The following STRADA variants were observed in gnomAD, a reference collection of about 807,000 sequenced individuals.
STRADA encodes the protein STE20-related kinase adapter protein alpha.
A neutral mutation model predicts 55.0 loss-of-function variants in STRADA; 26 were observed. That is an observed-to-expected ratio of 0.47 (90% CI 0.35 to 0.66). STRADA has a LOEUF of 0.66. Among genes scored for constraint, STRADA ranks in the 30% least tolerant of loss-of-function variants. The pLI is 0.01. For missense variants in STRADA, 443 were observed against 549.7 expected (o/e 0.81, Z 1.94); for synonymous variants, 197 against 210.9 (o/e 0.93, Z 0.57).
intron 1 of STRADA, among the ~76,000 whole-genome samples, chr17:63,736,013 C>T (rs1005657761): frequency 1.3e-5 from 2 of 152,136 alleles, no homozygotes; most frequent in Admixed American, 1.3e-4. Flanking sequence ...GCGATCTTGG[C>T]GCACTGCAAC....
intron 5 of STRADA, 86 bp downstream of exon 5, chr17:63,713,920 G>T: frequency 9.2e-7 from 1 of 1,082,948 alleles, no homozygotes; most frequent in Non-Finnish European, 1.4e-6. Context: ...GATGGCCTCT[G>T]CTGTACACAC....
At chr17:63,740,153 C>CAAATATATAT (rs1463725651) in intron 1 of STRADA, among the ~76,000 whole-genome samples, 1 of 86,274 alleles carries the variant, frequency 1.2e-5, no homozygotes, top group Non-Finnish European at 2.3e-5. Context: ...TATATACACA[C>CAAATATATAT]ACACACACAC....
At chr17:63,726,500 A>G (rs2037668340) in intron 3 of STRADA, 138 bp downstream of exon 3, 1 of 775,696 alleles carries the variant, frequency 1.3e-6, no homozygotes, top group South Asian at 2.2e-5. Context: ...CATAAATTCA[A>G]AAAGGAACCA....
In STRADA at chr17:63,711,382, G is replaced by C. The variant is rs547906775; in HGVS notation, c.349-546C>G. On this transcript the variant is annotated intron_variant, in intron 6 of 12. Coordinates refer to ENST00000336174, the MANE Select transcript of STRADA (RefSeq NM_001003787.4). Reference sequence around the variant, plus strand: ...TTTTATTTTTTTGAGACAGGGTCTTGCTCTGTCACCCAGGCTGGAGTGCAG... The same window carrying C: ...TTTTATTTTTTTGAGACAGGGTCTTCCTCTGTCACCCAGGCTGGAGTGCAG... 6.6e-5 allele frequency among the ~76,000 whole-genome samples: 10 copies of C among 152,058 alleles called. No homozygotes were observed. In the South Asian group the frequency reaches 2.1e-3, roughly 32 times the overall value.
intron 4 of STRADA, among the ~76,000 whole-genome samples, chr17:63,722,878 T>C (rs1598220750): frequency 2.0e-5 from 3 of 152,354 alleles, no homozygotes; most frequent in Admixed American, 2.0e-4. Flanking sequence ...TTTGAGGTCC[T>C]GTCTTATTAT....
intron 8 of STRADA, among the ~76,000 whole-genome samples, chr17:63,707,721 A>T (rs1453970841): frequency 6.6e-6 from 1 of 150,862 alleles, no homozygotes; most frequent in African/African-American, 2.4e-5. Flanking sequence ...CACCACACCC[A>T]GCTAATTTTT....
chr17:63,723,196 T>C, intron 4 of STRADA, 102 bp downstream of exon 4: 1 of 1,338,192 alleles, frequency 7.5e-7, no homozygotes, highest in Non-Finnish European at 1.1e-6. Flanking sequence ...CAGTGACAGA[T>C]AAGCAGAAAC....
intron 4 of STRADA, among the ~76,000 whole-genome samples, chr17:63,720,762 G>A (rs1474078199): frequency 4.3e-5 from 6 of 140,836 alleles, no homozygotes; most frequent in Admixed American, 1.4e-4. Context: ...GCGACAGAGC[G>A]AGACTGTTTA....
At position 63,723,467 on chromosome 17, in the gene STRADA, G is replaced by T. The variant is rs146796170; in HGVS notation, c.95-141C>A. The T allele has an allele frequency of 2.5e-5, 21 of 854,430 alleles. No homozygotes were observed. In the African/African-American group the frequency reaches 3.2e-4, roughly 13 times the overall value. 52.9% of individuals were successfully genotyped at this position (854,430 alleles called of 1,614,324 possible). A position where few individuals can be genotyped will look rare whatever the true frequency, so the allele number is the denominator to read the frequency against. On this transcript the variant is annotated intron_variant, in intron 3 of 12. Coordinates refer to ENST00000336174, the MANE Select transcript of STRADA (RefSeq NM_001003787.4). ...TCATTACAGCAAAAAGTGCCTGCGG[G>T]GCTACATATAAACACACACAGATCC...
intron 1 of STRADA, among the ~76,000 whole-genome samples, chr17:63,738,595 T>C (rs920651457): frequency 5.9e-5 from 9 of 152,106 alleles, no homozygotes; most frequent in Non-Finnish European, 1.3e-4. Context: ...CCAGTGGCTC[T>C]GCCTGTAATT....
chr17:63,715,031 A>C (rs1299666003), intron 4 of STRADA, among the ~76,000 whole-genome samples: 2 of 152,178 alleles, frequency 1.3e-5, no homozygotes, highest in Non-Finnish European at 2.9e-5. Context: ...CATGTGCTGC[A>C]CTCATAAACC....
At chr17:63,723,860 A>G (rs1323590126) in intron 3 of STRADA, 1 of 152,426 alleles carries the variant, frequency 6.6e-6, no homozygotes, top group East Asian at 1.9e-4. Flanking sequence ...ATGTAAATAA[A>G]GCAAAGGCAT....
At chr17:63,726,721 T>A (rs766036632) in intron 2 of STRADA, 26 bp from the exon 3 acceptor site, 1 of 1,612,670 alleles carries the variant, frequency 6.2e-7, no homozygotes, top group South Asian at 1.1e-5. Context: ...CCAAAGAGAA[T>A]TAGTATTTCT....
At chr17:63,721,023 G>T (rs2037274063) in intron 4 of STRADA, among the ~76,000 whole-genome samples, 1 of 151,298 alleles carries the variant, frequency 6.6e-6, no homozygotes, top group Non-Finnish European at 1.5e-5. Context: ...TTGAACCCAG[G>T]TGGCAGACGT....
chr17:63,704,312 G>GAAGCCC (rs764397689), intron 11 of STRADA, 29 bp downstream of exon 11: 223 of 1,609,784 alleles, frequency 1.4e-4, no homozygotes, highest in Non-Finnish European at 1.8e-4. Flanking sequence ...CTGCTCTCCC[G>GAAGCCC]AAGCCCAGGC....
chr17:63,706,748 GA>G lies in STRADA; in HGVS notation c.754-10del, dbSNP rs763317382. Reference sequence around the variant, plus strand: ...TCATAACCCTGGAGATTCTAAGCCAGAAAAAAAAGGCCACAGATTACCCCAT... The same window carrying G: ...TCATAACCCTGGAGATTCTAAGCCAGAAAAAAAGGCCACAGATTACCCCAT... On this transcript the variant is annotated splice_polypyrimidine_tract_variant and intron_variant, in intron 9 of 12. Transcript: ENST00000336174. The G allele has an allele frequency of 1.9e-5, 31 of 1,599,602 alleles. No individual in the cohort carries two copies. Among genetic ancestry groups the G allele is most frequent in the South Asian group, 2.2e-5 (2 of 89,636 alleles).
At chr17:63,703,959 TAGAACCAGAACTAGAACC>T (rs751482877) in intron 12 of STRADA, 28 bp downstream of exon 12, 3 of 1,575,654 alleles carry the variant, frequency 1.9e-6, no homozygotes, top group Non-Finnish European at 2.6e-6. Flanking sequence ...TGTGAGTTGT[TAGAACCAGAACTAGAACC>T]AGAACCAGAA....
intron 5 of STRADA, 133 bp downstream of exon 5, chr17:63,713,873 G>A: frequency 9.2e-6 from 7 of 762,732 alleles, no homozygotes; most frequent in Middle Eastern, 3.9e-4. Flanking sequence ...AAGACCCACA[G>A]AAGCAAGTCT....
rs777475313 is a variant in STRADA, at chr17:63,710,537, C to G, written c.535G>C (p.Val179Leu). ...TGGATGTAGTCGAGGGCCTTCAGCACCCCCTGCAGGATGTAAGCAATCGCC... is the reference window on the plus strand; with the variant it reads ...TGGATGTAGTCGAGGGCCTTCAGCAGCCCCTGCAGGATGTAAGCAATCGCC... Reference protein sequence around the residue: ...ELAIAYILQGVLKALDYIHHM... With the variant: ...ELAIAYILQGLLKALDYIHHM... The change falls in exon 8 of 13, where the codon GTG (valine) becomes CTG (leucine). Residue 179 changes from valine to leucine, a missense_variant. Transcript: ENST00000336174. 6.2e-7 allele frequency: 1 copy of G among 1,613,938 alleles called. No individual in the cohort carries two copies. The highest frequency in any genetic ancestry group is 8.5e-7 in the Non-Finnish European group (1 of 1,179,870).
Sources: gnomAD v4.1 joint callset for allele counts (sites outside exome capture counted in the v4.1 genomes callset) on GRCh38, gnomAD v4.1.1 for gene constraint, MANE v1.5 for transcripts, NCBI Gene and HGNC (gene_info 2026-07-23, HGNC 2026-07-21) for gene names.